The following COL11A2 variants were observed in gnomAD, a reference collection of about 807,000 sequenced individuals.
COL11A2 encodes collagen alpha-2(XI) chain.
A neutral mutation model predicts 273.4 loss-of-function variants in COL11A2; 116 were observed. That is an observed-to-expected ratio of 0.42 (90% CI 0.36 to 0.49). The LOEUF (loss-of-function observed/expected upper bound fraction) is 0.49, where lower values mean the gene tolerates loss of function less well. Among genes scored for constraint, COL11A2 ranks in the 20% least tolerant of loss-of-function variants. COL11A2 has a pLI of 0.00. For missense variants in COL11A2, 1,866 were observed against 2,309.0 expected, an observed-to-expected ratio of 0.81 and a Z score of 3.93; for synonymous variants, 782 against 864.2, an observed-to-expected ratio of 0.90 and a Z score of 1.67.
At position 33,172,071 on chromosome 6, in the gene COL11A2, C is replaced by T. The variant is rs370652074; in HGVS notation, c.3021G>A (p.Pro1007=). 6.0e-5 allele frequency: 97 copies of T among 1,612,862 alleles called. No individual in the cohort carries two copies. The highest frequency in any genetic ancestry group is 4.2e-4 in the Admixed American group (25 of 60,016). ...GGPGLKGNEG[P]SGPPGPAGSP... ...TCACTGCAGGGCCAGGGGGGCCAGA[C>T]GGACCTTCATTCCCCTTCAAACCAG... The change falls in exon 41 of 66, where the codon CCG becomes CCA. Residue 1007 remains proline, a synonymous_variant. Transcript: ENST00000341947.
intron 31 of COL11A2, 90 bp downstream of exon 31, chr6:33,174,437 C>A: frequency 1.3e-6 from 2 of 1,534,002 alleles, no homozygotes; most frequent in Non-Finnish European, 1.8e-6. Context: ...TCCCCCACTG[C>A]CCTGCATCTG....
At chr6:33,186,122 C>G (rs1249895232) in intron 5 of COL11A2, among the ~76,000 whole-genome samples, 1 of 152,022 alleles carries the variant, frequency 6.6e-6, no homozygotes, top group Non-Finnish European at 1.5e-5. Context: ...CCTTCCCTTC[C>G]CCCTACTACC....
intron 40 of COL11A2, 53 bp from the exon 41 acceptor site, chr6:33,172,156 G>A (rs1003748226): frequency 1.9e-5 from 30 of 1,609,502 alleles, no homozygotes; most frequent in Admixed American, 5.0e-5. Context: ...AGAAGGGTGA[G>A]AGCTGGAGAG....
rs1290933705 is a variant in COL11A2, at chr6:33,185,070, G to A, written c.877-16C>T. On this transcript the variant is annotated splice_polypyrimidine_tract_variant and intron_variant, in intron 6 of 65. Transcript: ENST00000341947. ...GGGTGGGGTCCTGACCCCAAGGAGA[G>A]AAGGAGAAGAGTAGCACGGGGTGGG... 3 of 1,544,504 alleles carry A rather than the reference G, an allele frequency of 1.9e-6. 1 individual carries two copies. In the East Asian group the frequency reaches 7.3e-5, roughly 38 times the overall value.
chr6:33,185,147 A>G, intron 6 of COL11A2, 93 bp from the exon 7 acceptor site: 2 of 919,046 alleles, frequency 2.2e-6, no homozygotes, highest in Non-Finnish European at 3.5e-6. Context: ...CTGTCCCCCG[A>G]GGGCAGGGTC....
Position 33,177,802 on chromosome 6 carries a change from C to T in COL11A2, c.1873-96G>A. 2.9e-6 allele frequency: 4 copies of T among 1,370,032 alleles called. 1 individual carries two copies. In the East Asian group the frequency reaches 9.5e-5, roughly 33 times the overall value. 84.9% of individuals were successfully genotyped at this position (1,370,032 alleles called of 1,614,324 possible). A position where few individuals can be genotyped will look rare whatever the true frequency, so the allele number is the denominator to read the frequency against. On this transcript the variant is annotated intron_variant, in intron 21 of 65. Coordinates refer to ENST00000341947, the MANE Select transcript of COL11A2 (RefSeq NM_080680.3). The surrounding 1 kb of genome is among the most constrained non-coding windows in gnomAD (Gnocchi z 5.9). Reference sequence around the variant, plus strand: ...CATTCCCGAGGGTGTGACGGTCAGACCTCCAATCCATCCCAAACCCAAGCA... The same window carrying T: ...CATTCCCGAGGGTGTGACGGTCAGATCTCCAATCCATCCCAAACCCAAGCA...
Position 33,169,071 on chromosome 6 carries a change from C to G in COL11A2, c.3799-63G>C, listed in dbSNP as rs1769647907. ...CCCTAAGCCCACCCAGCACAGACGC[C>G]CACAGGCACACGCCACTGCCTCTCT... On this transcript the variant is annotated intron_variant, in intron 51 of 65. Transcript: ENST00000341947. The surrounding 1 kb of genome is among the most constrained non-coding windows in gnomAD (Gnocchi z 5.5). 1 of 1,499,318 alleles carries G rather than the reference C, an allele frequency of 6.7e-7. No homozygotes were observed. The highest frequency in any genetic ancestry group is 2.1e-5 in the Admixed American group (1 of 48,370). The allele number at this position is 1,499,318 out of a possible 1,614,324, so 92.9% of individuals were successfully genotyped here.
In COL11A2 at chr6:33,169,858, T is replaced by A. The variant is rs1769775311; in HGVS notation, c.3663A>T (p.Pro1221=). The change falls in exon 50 of 66, where the codon CCA becomes CCT. Residue 1221 remains proline (P), a synonymous_variant. Coordinates refer to ENST00000341947, the MANE Select transcript of COL11A2 (RefSeq NM_080680.3). The surrounding 1 kb of genome is among the most constrained non-coding windows in gnomAD (Gnocchi z 5.5). ...TGACACCTGGCTCGCCCTGGATCCCTGGAGATCCTGACTCTCCTGGTTCCC... is the reference window on the plus strand; with the variant it reads ...TGACACCTGGCTCGCCCTGGATCCCAGGAGATCCTGACTCTCCTGGTTCCC... The part of the protein sequence containing the change: ...EKGEPGESGS[P]GIQGEPGVKG... 3 of 1,614,142 alleles carry A rather than the reference T, an allele frequency of 1.9e-6. No individual in the cohort carries two copies. The Admixed American group carries it at 5.0e-5, about 27-fold the overall frequency.
chr6:33,172,230 GGT>G, intron 40 of COL11A2, 57 bp downstream of exon 40: 2 of 1,574,446 alleles, frequency 1.3e-6, no homozygotes, highest in Non-Finnish European at 1.7e-6. Flanking sequence ...ACAGGGTCGG[GGT>G]GGGGACTCAG....
At chr6:33,172,972 C>T in intron 38 of COL11A2, 88 bp downstream of exon 38, 6 of 1,415,826 alleles carry the variant, frequency 4.2e-6, no homozygotes, top group Non-Finnish European at 5.9e-6. Context: ...GTCAGGTGGA[C>T]CGGGGCAGGG....
chr6:33,172,958 C>A, intron 38 of COL11A2, 102 bp downstream of exon 38: 1 of 1,288,390 alleles, frequency 7.8e-7, no homozygotes, highest in Non-Finnish European at 1.1e-6. Flanking sequence ...CCCCAGGAGT[C>A]TGGGTCAGGT....
At chr6:33,168,665 G>A (rs1769553376) in intron 53 of COL11A2, 41 bp downstream of exon 53, 1 of 1,592,804 alleles carries the variant, frequency 6.3e-7, no homozygotes, top group South Asian at 1.1e-5. Context: ...AAGAGGATGA[G>A]GCTTGGGCTC....
chr6:33,163,586 T>C lies in COL11A2; in HGVS notation c.*92A>G. The C allele has an allele frequency of 6.3e-7, 1 of 1,597,194 alleles. No individual in the cohort carries two copies. ...CCCTGGCCCAGGGCTCCCTAGATAG[T>C]GAGGAGCCCTCTTGGGAGGTGGCAC... On this transcript the variant is annotated 3_prime_UTR_variant, in exon 66 of 66. Coordinates refer to ENST00000341947, the MANE Select transcript of COL11A2 (RefSeq NM_080680.3). The surrounding 1 kb of genome is among the most constrained non-coding windows in gnomAD (Gnocchi z 4.1).
Position 33,174,547 on chromosome 6 carries a change from G to T in COL11A2, c.2410C>A (p.Pro804Thr). Residue 804 changes from proline (P) to threonine (T), a missense_variant, in exon 31 of 66, where the codon CCT becomes ACT. Transcript: ENST00000341947. ...KLGVPGLPGY[P>T]GRQGPKGSLG... ...ATCACCTTGGGTCCCTGACGTCCAG[G>T]ATAGCCAGGCAGACCAGGAACACCC... 1 of 1,612,644 alleles carries T rather than the reference G, an allele frequency of 6.2e-7. No homozygotes were observed. The highest frequency in any genetic ancestry group is 8.5e-7 in the Non-Finnish European group (1 of 1,179,942).
intron 4 of COL11A2, among the ~76,000 whole-genome samples, chr6:33,187,548 T>C (rs1772586793): frequency 1.3e-5 from 2 of 152,084 alleles, no homozygotes; most frequent in Non-Finnish European, 2.9e-5. Context: ...GATGGGTGGC[T>C]GGGGGCTTAC....
chr6:33,174,243 A>G (rs1770584291), intron 31 of COL11A2, 25 bp from the exon 32 acceptor site: 2 of 1,554,678 alleles, frequency 1.3e-6, no homozygotes, highest in Middle Eastern at 1.7e-4. Flanking sequence ...GAAGGGGGGA[A>G]ATTGAGAAGT....
Position 33,177,956 on chromosome 6 carries a change from C to T in COL11A2, c.1872+176G>A. 1 of 804,174 alleles carries T rather than the reference C, an allele frequency of 1.2e-6. No individual in the cohort carries two copies. The highest frequency in any genetic ancestry group is 2.0e-6 in the Non-Finnish European group (1 of 497,912). 49.8% of individuals were successfully genotyped at this position (804,174 alleles called of 1,614,324 possible). On this transcript the variant is annotated intron_variant, in intron 21 of 65. Coordinates refer to ENST00000341947, the MANE Select transcript of COL11A2 (RefSeq NM_080680.3). The surrounding 1 kb of genome is among the most constrained non-coding windows in gnomAD (Gnocchi z 5.9). ...TCAGGGCACCACGCCACATGGCCCT[C>T]CCTGTGCACGGGGAGCGAATGCTGA...
At chr6:33,180,786 C>G in intron 10 of COL11A2, 56 bp from the exon 11 acceptor site, 1 of 1,590,148 alleles carries the variant, frequency 6.3e-7, no homozygotes, top group Non-Finnish European at 8.6e-7. Flanking sequence ...TGTGGACACT[C>G]AGCCTGTGGC....
Position 33,169,828 on chromosome 6 carries a change from C to T in COL11A2, c.3690+3G>A. 2 of 1,614,110 alleles carry T rather than the reference C, an allele frequency of 1.2e-6. No homozygotes were observed. Among genetic ancestry groups the T allele is most frequent in the South Asian group, 1.1e-5 (1 of 91,082 alleles). On this transcript the variant is annotated splice_donor_region_variant and intron_variant, in intron 50 of 65. Coordinates refer to ENST00000341947, the MANE Select transcript of COL11A2 (RefSeq NM_080680.3). The surrounding 1 kb of genome is among the most constrained non-coding windows in gnomAD (Gnocchi z 5.5). ...GGAGTAAGGCCTTGGAGCTGTCACT[C>T]ACCTTGACACCTGGCTCGCCCTGGA...
Sources: gnomAD v4.1 joint callset for allele counts (sites outside exome capture counted in the v4.1 genomes callset) on GRCh38, gnomAD v4.1.1 for gene constraint, Gnocchi (gnomAD v3.1) non-coding constraint, MANE v1.5 for transcripts, NCBI Gene and HGNC (gene_info 2026-07-23, HGNC 2026-07-21) for gene names.